Variants in SSPN observed in about 807,000 individuals in gnomAD.
SSPN encodes the protein K-ras oncogene-associated protein.
A neutral mutation model predicts 19.1 loss-of-function variants in SSPN; 15 were observed. That is an observed-to-expected ratio of 0.78 (90% CI 0.52 to 1.21). SSPN has a LOEUF of 1.21. Ranked by LOEUF, SSPN falls within the 50% of genes most tolerant of loss-of-function variation. The pLI, the probability that SSPN is intolerant of heterozygous loss-of-function variation, is 0.00. For synonymous variants in SSPN, 147 were observed against 140.3 expected, an observed-to-expected ratio of 1.05 and a Z score of -0.34; for missense variants, 291 against 314.0, an observed-to-expected ratio of 0.93 and a Z score of 0.55.
intron 1 of SSPN, among the ~76,000 whole-genome samples, chr12:26,174,434 C>T (rs571745878): frequency 7.3e-5 from 11 of 150,762 alleles, no homozygotes; most frequent in African/African-American, 2.7e-4. Flanking sequence ...TTTCTTGTGT[C>T]CCTTAGTAAT....
rs564327065 is a variant in SSPN at position 26,203,291 on chromosome 12, CA to C, written c.279+7343del. On this transcript the variant is annotated intron_variant, in intron 1 of 2. Transcript: ENST00000242729. ...TTCATTTTTAGGTCTTCCATCCTGG[CA>C]AACTAAGGAAGTACTGGTCAAAAAA... Among the ~76,000 whole-genome samples the C allele has an allele frequency of 2.2e-3, 333 of 152,302 alleles. 2 individuals are homozygous for C. Among genetic ancestry groups the C allele is most frequent in the Non-Finnish European group, 1.8e-3 (121 of 68,022 alleles).
chr12:26,122,836 T>C (rs1403819725), intron 1 of SSPN: 1 of 1,581,172 alleles, frequency 6.3e-7, no homozygotes, highest in Non-Finnish European at 8.6e-7. Context: ...AGCTCGGCGC[T>C]GGGCTGAGTC....
intron 1 of SSPN, among the ~76,000 whole-genome samples, chr12:26,217,117 C>A (rs1486309765): frequency 1.0e-3 from 131 of 126,950 alleles, no homozygotes; most frequent in East Asian, 2.9e-3. Flanking sequence ...TGAAGAAAGG[C>A]ATTGGTAGCT....
chr12:26,123,587 C>T (rs1256783103), intron 1 of SSPN: 3 of 1,409,066 alleles, frequency 2.1e-6, no homozygotes, highest in African/African-American at 2.8e-5. Flanking sequence ...CTGTGGGCTG[C>T]CCCGCTTCAT....
intron 1 of SSPN, among the ~76,000 whole-genome samples, chr12:26,142,807 A>G (rs949152572): frequency 5.3e-5 from 8 of 152,240 alleles, no homozygotes; most frequent in African/African-American, 1.9e-4. Flanking sequence ...CCAAGAAGGA[A>G]TAGTCAGAGA....
At chr12:26,123,588 C>T in intron 1 of SSPN, 1 of 1,421,838 alleles carries the variant, frequency 7.0e-7, no homozygotes, top group Non-Finnish European at 1.0e-6. Flanking sequence ...TGTGGGCTGC[C>T]CCGCTTCATC....
At chr12:26,213,646 G>A (rs995426315) in intron 1 of SSPN, among the ~76,000 whole-genome samples, 25 of 151,912 alleles carry the variant, frequency 1.6e-4, no homozygotes, top group African/African-American at 4.1e-4. Context: ...AAATAACAGA[G>A]CCAGCAAGGC....
intron 1 of SSPN, among the ~76,000 whole-genome samples, chr12:26,127,805 A>G (rs1944375423): frequency 1.3e-5 from 2 of 152,024 alleles, no homozygotes; most frequent in African/African-American, 2.4e-5. Context: ...TTAAACTTGA[A>G]TCCCATTCCT....
At chr12:26,173,816 C>T (rs756652433) in intron 1 of SSPN, among the ~76,000 whole-genome samples, 5 of 152,012 alleles carry the variant, frequency 3.3e-5, no homozygotes, top group Admixed American at 2.0e-4. Flanking sequence ...TTTCTTATTT[C>T]GTTTATTACG....
chr12:26,124,463 T>C (rs370504911), intron 1 of SSPN: 396 of 1,543,716 alleles, frequency 2.6e-4, no homozygotes, highest in Non-Finnish European at 3.4e-4. Flanking sequence ...GTGAAATCAA[T>C]GGCTCTAATT....
At chr12:26,173,959 T>C (rs561684983) in intron 1 of SSPN, among the ~76,000 whole-genome samples, 1 of 152,290 alleles carries the variant, frequency 6.6e-6, no homozygotes, top group Non-Finnish European at 1.5e-5. Flanking sequence ...TCTCCAAAAC[T>C]CAAAGAAATA....
chr12:26,208,982 T>C (rs1207080892), intron 1 of SSPN, among the ~76,000 whole-genome samples: 1 of 152,154 alleles, frequency 6.6e-6, no homozygotes, highest in African/African-American at 2.4e-5. Flanking sequence ...ATAAAGATGA[T>C]GGATAAGCAG....
upstream of SSPN, among the ~76,000 whole-genome samples, chr12:26,190,699 C>T (rs1311938430): frequency 1.3e-5 from 2 of 152,006 alleles, no homozygotes; most frequent in Non-Finnish European, 2.9e-5. Flanking sequence ...TATAAAAAAC[C>T]TACTTGTTCT....
chr12:26,201,693 G>A (rs1437351120), intron 1 of SSPN, among the ~76,000 whole-genome samples: 1 of 151,844 alleles, frequency 6.6e-6, no homozygotes, highest in Non-Finnish European at 1.5e-5. Flanking sequence ...GTTAGTCTCT[G>A]GAAGCTTTTG....
intron 1 of SSPN, among the ~76,000 whole-genome samples, chr12:26,145,778 G>A (rs932773713): frequency 3.3e-5 from 5 of 152,138 alleles, no homozygotes; most frequent in Non-Finnish European, 4.4e-5. Context: ...CTGGTATTCC[G>A]CCCTCGTGCC....
At chr12:26,146,972 A>G (rs978175425) in intron 1 of SSPN, among the ~76,000 whole-genome samples, 4 of 152,222 alleles carry the variant, frequency 2.6e-5, no homozygotes. Context: ...TAAAGCTTCA[A>G]TGTGCAGTGC....
intron 1 of SSPN, among the ~76,000 whole-genome samples, chr12:26,198,173 GGGT>G (rs1944846969): frequency 3.4e-5 from 5 of 148,876 alleles, no homozygotes. Context: ...TTTTGGGGGG[GGGT>G]TTTTGGAGAC....
intron 1 of SSPN, among the ~76,000 whole-genome samples, chr12:26,135,384 A>G (rs949764456): frequency 4.6e-5 from 7 of 152,172 alleles, no homozygotes; most frequent in Non-Finnish European, 8.8e-5. Context: ...GAGGATTGAG[A>G]GCCAGTGAAG....
chr12:26,123,194 G>C, intron 1 of SSPN: 1 of 1,556,722 alleles, frequency 6.4e-7, no homozygotes, highest in Non-Finnish European at 8.7e-7. Flanking sequence ...GATGGGGGTG[G>C]GGGACGGAGG....
Sources: allele counts gnomAD v4.1 joint callset (sites outside exome capture counted in the v4.1 genomes callset), GRCh38; gene constraint gnomAD v4.1.1; transcripts MANE v1.5; gene names NCBI Gene and HGNC (gene_info 2026-07-23, HGNC 2026-07-21).